Variants in WDR93 observed in about 807,000 individuals in gnomAD.
WDR93 encodes the protein WD repeat domain 93.
A neutral mutation model predicts 82.9 loss-of-function variants in WDR93; 73 were observed. The observed-to-expected ratio is 0.88, with a 90% confidence interval of 0.73 to 1.07. WDR93 has a LOEUF of 1.07. Among genes scored for constraint, WDR93 ranks in the 50% least tolerant of loss-of-function variants. The pLI, the probability that WDR93 is intolerant of heterozygous loss-of-function variation, is 0.00. For synonymous variants in WDR93, 283 were observed against 300.1 expected (o/e 0.94, Z 0.59); for missense variants, 738 against 826.0 (o/e 0.89, Z 1.31).
Position 89,743,528 on chromosome 15 carries a change from G to A in WDR93, c.*137G>A, listed in dbSNP as rs1967839691. The A allele has an allele frequency of 1.3e-6, 1 of 743,106 alleles. No individual in the cohort carries two copies. The highest frequency in any genetic ancestry group is 2.6e-5 in the Admixed American group (1 of 37,848). The allele number at this position is 743,106 out of a possible 1,614,324, so 46.0% of individuals were successfully genotyped here. ...ACTCGGAGTCTGGGGCCTCTGCAGA[G>A]CCAGCAAGGGGAAAAGTATAATCTG... On this transcript the variant is annotated 3_prime_UTR_variant, in exon 17 of 17. Transcript: ENST00000268130.
rs1186786731 is a variant in WDR93, at chr15:89,733,635, G to C, written c.1544+416G>C. Among the ~76,000 whole-genome samples, 4 of 152,196 alleles carry C rather than the reference G, an allele frequency of 2.6e-5. No individual in the cohort carries two copies. The South Asian group carries it at 6.3e-4, about 24-fold the overall frequency. On this transcript the variant is annotated intron_variant, in intron 13 of 16. Coordinates refer to ENST00000268130, the MANE Select transcript of WDR93 (RefSeq NM_020212.2). ...TAGTGGCTTTATAAGAAAAGGAAGA[G>C]ATACCTGAGCTAGAACATGAGCACA... is the stretch of plus-strand genomic sequence containing the variant.
At chr15:89,736,242 G>A (rs1967160347) in intron 14 of WDR93, among the ~76,000 whole-genome samples, 2 of 152,204 alleles carry the variant, frequency 1.3e-5, no homozygotes, top group Admixed American at 1.3e-4. Context: ...AGCGTGCGCG[G>A]TTGATCCTCG....
rs549225237 is a variant in WDR93, at chr15:89,712,428, G to A, written c.640+324G>A. Among the ~76,000 whole-genome samples the A allele has an allele frequency of 2.9e-3, 256 of 87,282 alleles. 1 individual carries two copies. Among genetic ancestry groups the A allele is most frequent in the Non-Finnish European group, 4.5e-3 (225 of 50,290 alleles). The allele number at this position is 87,282 out of a possible 152,430, so 57.3% of individuals were successfully genotyped here. ...TTTTTTTTTTTTTTTTTGCTCCAAAGTTCAATCTGGGATACCATATTATAT... is the reference window on the plus strand; with the variant it reads ...TTTTTTTTTTTTTTTTTGCTCCAAAATTCAATCTGGGATACCATATTATAT... On this transcript the variant is annotated intron_variant, in intron 5 of 16. Transcript: ENST00000268130.
intron 7 of WDR93, among the ~76,000 whole-genome samples, chr15:89,718,134 A>G (rs1966342622): frequency 6.6e-6 from 1 of 152,038 alleles, no homozygotes; most frequent in African/African-American, 2.4e-5. Context: ...TGAGCTCAGG[A>G]ATTTGAGACC....
intron 1 of WDR93, 60 bp downstream of exon 1, chr15:89,690,917 C>T (rs1964839047): frequency 7.3e-6 from 3 of 408,760 alleles, no homozygotes; most frequent in Admixed American, 4.2e-5. Flanking sequence ...CAGGACTCCC[C>T]TTTACCTGTA....
In WDR93 at chr15:89,743,314, C is replaced by G; in HGVS notation, c.1984C>G (p.Pro662Ala). 6.2e-7 allele frequency: 1 copy of G among 1,614,156 alleles called. No homozygotes were observed. Among genetic ancestry groups the G allele is most frequent in the Non-Finnish European group, 8.5e-7 (1 of 1,180,030 alleles). Residue 662 changes from proline (P) to alanine (A), a missense_variant, in exon 17 of 17, where the codon CCA becomes GCA. Physicochemically the swap from Pro to Ala is conservative, Grantham distance 27. Coordinates refer to ENST00000268130, the MANE Select transcript of WDR93 (RefSeq NM_020212.2). ...QKSYRKLEKN[P>A]EKEEEHWARL... ...CAGCTATCGGAAGCTGGAGAAGAAC[C>G]CAGAGAAGGAGGAGGAGCACTGGGC...
intron 1 of WDR93, among the ~76,000 whole-genome samples, chr15:89,694,257 T>G (rs1270455998): frequency 6.7e-6 from 1 of 148,650 alleles, no homozygotes; most frequent in Non-Finnish European, 1.5e-5. Context: ...TCTTTTTTTT[T>G]TTTTTTTTTT....
chr15:89,724,872 C>G lies in WDR93; in HGVS notation c.881-2285C>G, dbSNP rs558452501. 1.4e-3 allele frequency among the ~76,000 whole-genome samples: 219 copies of G among 152,238 alleles called. 1 individual carries two copies. Among genetic ancestry groups the G allele is most frequent in the African/African-American group, 5.1e-3 (211 of 41,550 alleles). On this transcript the variant is annotated intron_variant, in intron 8 of 16. Transcript: ENST00000268130. ...CATACATTGCATTTAGCAATGAAAACTGGTACAACCACTTTGGAAAATGTG... is the reference window on the plus strand; with the variant it reads ...CATACATTGCATTTAGCAATGAAAAGTGGTACAACCACTTTGGAAAATGTG...
chr15:89,735,217 A>T (rs1016063471), intron 13 of WDR93, among the ~76,000 whole-genome samples: 1 of 152,166 alleles, frequency 6.6e-6, no homozygotes, highest in African/African-American at 2.4e-5. Context: ...TTGCTTTGCA[A>T]CATTGTTCAC....
chr15:89,738,374 C>T, intron 16 of WDR93, 138 bp downstream of exon 16: 1 of 1,058,810 alleles, frequency 9.4e-7, no homozygotes, highest in Non-Finnish European at 1.3e-6. Context: ...CGCCTGTAAT[C>T]CCAGCACTTT....
At chr15:89,721,766 A>AGG (rs1966537926) in intron 7 of WDR93, among the ~76,000 whole-genome samples, 1 of 120,148 alleles carries the variant, frequency 8.3e-6, no homozygotes, top group African/African-American at 3.3e-5. Context: ...CTGGGACTAC[A>AGG]AGTGTGTCAC....
chr15:89,697,849 TACC>T (rs1386113830), intron 1 of WDR93, among the ~76,000 whole-genome samples: 1 of 152,002 alleles, frequency 6.6e-6, no homozygotes, highest in African/African-American at 2.4e-5. Context: ...AGGACTTTTA[TACC>T]CACTTGATCA....
At chr15:89,709,967 T>C (rs1166061219) in intron 4 of WDR93, among the ~76,000 whole-genome samples, 2 of 152,018 alleles carry the variant, frequency 1.3e-5, no homozygotes, top group Non-Finnish European at 2.9e-5. Flanking sequence ...AAGACCATCC[T>C]GGCTAACACG....
chr15:89,714,079 T>C (rs1335365672), intron 5 of WDR93, among the ~76,000 whole-genome samples: 1 of 152,134 alleles, frequency 6.6e-6, no homozygotes, highest in Non-Finnish European at 1.5e-5. Flanking sequence ...AACCCATGGG[T>C]TGTTATCTCC....
chr15:89,721,767 A>T (rs971745729), intron 7 of WDR93, among the ~76,000 whole-genome samples: 1 of 151,666 alleles, frequency 6.6e-6, no homozygotes, highest in African/African-American at 2.4e-5. Context: ...TGGGACTACA[A>T]GTGTGTCACC....
At position 89,722,136 on chromosome 15, in the gene WDR93, A is replaced by G; in HGVS notation, c.877A>G (p.Thr293Ala). The G allele has an allele frequency of 6.3e-7, 1 of 1,596,964 alleles. No individual in the cohort carries two copies. The highest frequency in any genetic ancestry group is 8.5e-7 in the Non-Finnish European group (1 of 1,170,352). ...IMKIKPPKPV[T>A]GTTFKSPLEV... ...GAAGATCAAACCACCTAAGCCTGTTACAGGTAAGTGTGATTCAAATCTCTC... is the reference window on the plus strand; with the variant it reads ...GAAGATCAAACCACCTAAGCCTGTTGCAGGTAAGTGTGATTCAAATCTCTC... Residue 293 changes from threonine (T) to alanine (A), a missense_variant, in exon 8 of 17, where the codon ACA becomes GCA. Physicochemically the swap from Thr to Ala is moderately conservative, Grantham distance 58. Coordinates refer to ENST00000268130, the MANE Select transcript of WDR93 (RefSeq NM_020212.2).
At chr15:89,705,475 C>A in intron 3 of WDR93, 79 bp from the exon 4 acceptor site, 1 of 888,860 alleles carries the variant, frequency 1.1e-6, no homozygotes, top group Non-Finnish European at 1.9e-6. Context: ...GGTAAGTTCA[C>A]AAAGTCCAAT....
At chr15:89,718,410 G>A (rs1286841316) in intron 7 of WDR93, among the ~76,000 whole-genome samples, 1 of 151,294 alleles carries the variant, frequency 6.6e-6, no homozygotes, top group Non-Finnish European at 1.5e-5. Flanking sequence ...GGAGGCGGAG[G>A]TTGCAGTGAG....
At chr15:89,728,151 A>T (rs1466161315) in intron 9 of WDR93, among the ~76,000 whole-genome samples, 2 of 152,058 alleles carry the variant, frequency 1.3e-5, no homozygotes, top group Non-Finnish European at 2.9e-5. Flanking sequence ...CACTACTAAA[A>T]TTTTTCTCCA....
Sources: gnomAD v4.1 joint callset for allele counts (sites outside exome capture counted in the v4.1 genomes callset) on GRCh38, gnomAD v4.1.1 for gene constraint, MANE v1.5 for transcripts, NCBI Gene and HGNC (gene_info 2026-07-23, HGNC 2026-07-21) for gene names.